The following TMEM131 variants were observed in gnomAD, a reference collection of about 807,000 sequenced individuals.
TMEM131 encodes the protein transmembrane protein 131.
In TMEM131, 66 loss-of-function variants were observed where a neutral mutation model predicts 211.6. That is an observed-to-expected ratio of 0.31 (90% CI 0.26 to 0.38). The LOEUF (loss-of-function observed/expected upper bound fraction) is 0.38, where lower values mean the gene tolerates loss of function less well. Among genes scored for constraint, TMEM131 ranks in the 10% least tolerant of loss-of-function variants. The probability of loss-of-function intolerance (pLI) is 1.00; values close to 1 mark genes in which losing one functional copy is unlikely to be tolerated. For synonymous variants in TMEM131, 844 were observed against 841.3 expected (o/e 1.00, Z -0.06); for missense variants, 2,036 against 2,299.3 (o/e 0.89, Z 2.34).
chr2:97,901,106 T>C (rs1038764182), intron 3 of TMEM131, among the ~76,000 whole-genome samples: 5 of 152,156 alleles, frequency 3.3e-5, no homozygotes, highest in Admixed American at 2.0e-4. Flanking sequence ...TTCAAAAATA[T>C]GAAAATACAT....
chr2:97,834,748 T>C, intron 9 of TMEM131, 27 bp downstream of exon 9: 3 of 1,609,022 alleles, frequency 1.9e-6, no homozygotes, highest in Non-Finnish European at 8.5e-7. Context: ...ACAAAACAAC[T>C]TTCGATTTCA....
intron 40 of TMEM131, among the ~76,000 whole-genome samples, chr2:97,758,328 A>G (rs1442606507): frequency 1.3e-5 from 2 of 152,218 alleles, no homozygotes; most frequent in Non-Finnish European, 2.9e-5. Context: ...TTTCTGTCAT[A>G]ATTTTGTGGA....
At chr2:97,865,686 T>C (rs992794018) in intron 4 of TMEM131, among the ~76,000 whole-genome samples, 7 of 152,222 alleles carry the variant, frequency 4.6e-5, no homozygotes, top group African/African-American at 1.7e-4. Flanking sequence ...AGCAGAAGTA[T>C]TTGTCTATAT....
intron 12 of TMEM131, 83 bp from the exon 13 acceptor site, chr2:97,815,390 TA>T (rs34437270): frequency 0.071 from 42,836 of 601,270 alleles, 4 homozygotes; most frequent in South Asian, 0.083. Context: ...GACAAAATCT[TA>T]AAAAAAAAAA....
Position 97,793,422 on chromosome 2 carries a change from C to CT in TMEM131, c.3517dup (p.Arg1173LysfsTer8). On this transcript the variant is annotated frameshift_variant, in exon 30 of 41. Transcript: ENST00000186436. LOFTEE classifies it high-confidence loss of function. Reference sequence around the variant, plus strand: ...TCCTTCAGATGAAATACCAACGATTCTCCTGAGATCAAATGGCCTTCCCAC... The same window carrying CT: ...TCCTTCAGATGAAATACCAACGATTCTTCCTGAGATCAAATGGCCTTCCCAC... 6.2e-7 allele frequency: 1 copy of CT among 1,613,680 alleles called. No homozygotes were observed. Among genetic ancestry groups the CT allele is most frequent in the Non-Finnish European group, 8.5e-7 (1 of 1,179,740 alleles).
chr2:97,930,130 AC>A (rs146716765), intron 1 of TMEM131, among the ~76,000 whole-genome samples: 6,360 of 151,912 alleles, frequency 0.042, 350 homozygotes, highest in African/African-American at 0.099. Context: ...AACACAATGA[AC>A]TAACAAGAAA....
intron 4 of TMEM131, among the ~76,000 whole-genome samples, chr2:97,875,114 AAAG>A (rs1674639749): frequency 6.6e-6 from 1 of 152,242 alleles, no homozygotes; most frequent in Non-Finnish European, 1.5e-5. Flanking sequence ...CAAAAGAGAC[AAAG>A]AAGGGCATTA....
intron 5 of TMEM131, among the ~76,000 whole-genome samples, chr2:97,847,039 T>C (rs1683472936): frequency 1.1e-5 from 1 of 93,308 alleles, no homozygotes; most frequent in Admixed American, 1.5e-4. Flanking sequence ...ATTAGTTGGG[T>C]GTGATGGCGC....
intron 4 of TMEM131, among the ~76,000 whole-genome samples, chr2:97,863,659 G>A (rs1407528614): frequency 6.6e-6 from 1 of 152,150 alleles, no homozygotes; most frequent in Non-Finnish European, 1.5e-5. Context: ...TGCTCAATAT[G>A]ACTATCAGGG....
intron 1 of TMEM131, among the ~76,000 whole-genome samples, chr2:97,939,768 C>G (rs1677630375): frequency 6.6e-6 from 1 of 152,166 alleles, no homozygotes; most frequent in East Asian, 1.9e-4. Flanking sequence ...GATGCAAAAT[C>G]TTCAATAAAA....
At chr2:97,859,788 T>A (rs1673992804) in intron 4 of TMEM131, among the ~76,000 whole-genome samples, 1 of 152,336 alleles carries the variant, frequency 6.6e-6, no homozygotes, top group East Asian at 1.9e-4. Flanking sequence ...ATTCCACAGA[T>A]ACGTGCTCTT....
intron 1 of TMEM131, among the ~76,000 whole-genome samples, chr2:97,941,872 T>A (rs186441246): frequency 6.6e-6 from 1 of 152,332 alleles, no homozygotes; most frequent in Admixed American, 6.5e-5. Flanking sequence ...TCCACACTGT[T>A]GGTGGGACTG....
intron 1 of TMEM131, among the ~76,000 whole-genome samples, chr2:97,973,463 G>C (rs2104611592): frequency 6.6e-6 from 1 of 152,312 alleles, no homozygotes. Flanking sequence ...GGTAGAGCTT[G>C]GTGGATTTTC....
At chr2:97,967,978 A>G (rs1247851237) in intron 1 of TMEM131, among the ~76,000 whole-genome samples, 1 of 151,980 alleles carries the variant, frequency 6.6e-6, no homozygotes, top group Non-Finnish European at 1.5e-5. Flanking sequence ...TAACAAGGCT[A>G]TAATGTCTTA....
chr2:97,761,238 G>A (rs1573313981), intron 36 of TMEM131: 2 of 218,318 alleles, frequency 9.2e-6, no homozygotes, highest in Non-Finnish European at 1.8e-5. Flanking sequence ...AATGCAGAGG[G>A]CAGCCACCGA....
At chr2:97,862,648 T>C (rs1315527845) in intron 4 of TMEM131, among the ~76,000 whole-genome samples, 1 of 151,700 alleles carries the variant, frequency 6.6e-6, no homozygotes, top group Non-Finnish European at 1.5e-5. Flanking sequence ...AAGAAAGAAT[T>C]AGTGAGCTTG....
chr2:97,814,028 A>G lies in TMEM131; in HGVS notation c.1560T>C (p.Leu520=). Reference sequence around the variant, plus strand: ...AATGAAATTTAGAAGCATTGGTAATAAGTAAAATGTTGTTATCAATGTGCA... The same window carrying G: ...AATGAAATTTAGAAGCATTGGTAATGAGTAAAATGTTGTTATCAATGTGCA... ...SSMHIDNNIL[L]ITNASKFHLP... is the part of the protein sequence containing the mutation. The change falls in exon 15 of 41, where the codon CTT becomes CTC. Residue 520 remains leucine (L), a synonymous_variant. Transcript: ENST00000186436. The G allele has an allele frequency of 1.2e-6, 2 of 1,601,324 alleles. No homozygotes were observed. The highest frequency in any genetic ancestry group is 1.7e-4 in the Middle Eastern group (1 of 6,052).
chr2:97,962,230 G>T (rs750021305), intron 1 of TMEM131, among the ~76,000 whole-genome samples: 1 of 152,274 alleles, frequency 6.6e-6, no homozygotes, highest in South Asian at 2.1e-4. Flanking sequence ...GCTGCCTGGC[G>T]CAGTGGCTCA....
At chr2:97,912,404 T>C (rs1676325228) in intron 2 of TMEM131, among the ~76,000 whole-genome samples, 1 of 152,134 alleles carries the variant, frequency 6.6e-6, no homozygotes, top group South Asian at 2.1e-4. Context: ...GCAGGGACCT[T>C]TGAACCTCAT....
Sources: allele counts gnomAD v4.1 joint callset (sites outside exome capture counted in the v4.1 genomes callset), GRCh38; gene constraint gnomAD v4.1.1; transcripts MANE v1.5; gene names NCBI Gene and HGNC (gene_info 2026-07-23, HGNC 2026-07-21).